Variants in PTPRG observed in about 807,000 individuals in gnomAD.
PTPRG encodes the protein receptor-type tyrosine-protein phosphatase gamma.
PTPRG carries 102 observed loss-of-function variants against 165.3 expected under a neutral mutation model. That is an observed-to-expected ratio of 0.62 (90% confidence interval 0.53 to 0.73). PTPRG has a LOEUF of 0.73. Among genes scored for constraint, PTPRG ranks in the 30% least tolerant of loss-of-function variants. PTPRG has a pLI of 0.00. For missense variants in PTPRG, 1,866 were observed against 1,861.4 expected (o/e 1.00, Z -0.05); for synonymous variants, 675 against 669.5 (o/e 1.01, Z -0.13).
Position 62,195,903 on chromosome 3 carries a change from T to C in PTPRG, c.1327+733T>C, listed in dbSNP as rs1447856289. On this transcript the variant is annotated intron_variant, in intron 10 of 29. Transcript: ENST00000474889. This position sits in a 1 kb window ranked among gnomAD's most constrained non-coding sequence, Gnocchi z 4.4. ...CTGCCTCCTGGGTTCAAGTGATGCC[T>C]CAGCCTCCTGAGTAGCTGGGATTAC... 6.6e-6 allele frequency among the ~76,000 whole-genome samples: 1 copy of C among 151,948 alleles called. No individual in the cohort carries two copies. The highest frequency in any genetic ancestry group is 2.0e-4 in the East Asian group (1 of 5,110).
chr3:61,799,081 A>G (rs2107161742), intron 2 of PTPRG, among the ~76,000 whole-genome samples: 2 of 152,218 alleles, frequency 1.3e-5, no homozygotes, highest in Middle Eastern at 6.8e-3. Flanking sequence ...TATTTTCATA[A>G]TAGTGTTATG....
Position 62,252,614 on chromosome 3 carries a change from G to A in PTPRG, c.2468-2510G>A, listed in dbSNP as rs1701448544. Among the ~76,000 whole-genome samples the A allele has an allele frequency of 1.3e-5, 2 of 152,156 alleles. No homozygotes were observed. Among genetic ancestry groups the A allele is most frequent in the African/African-American group, 4.8e-5 (2 of 41,446 alleles). The stretch of plus-strand genomic sequence containing the variant: ...TAAAAATTGAGCTGATTAGGCCTCT[G>A]ATGCTGTCCTAATTGCTTGGCCTTC... On this transcript the variant is annotated intron_variant, in intron 15 of 29. Coordinates refer to ENST00000474889, the MANE Select transcript of PTPRG (RefSeq NM_002841.4). The surrounding 1 kb of genome is among the most constrained non-coding windows in gnomAD (Gnocchi z 4.6).
intron 2 of PTPRG, among the ~76,000 whole-genome samples, chr3:61,921,005 ATAGT>A (rs2039064129): frequency 6.6e-6 from 1 of 152,114 alleles, no homozygotes; most frequent in African/African-American, 2.4e-5. Flanking sequence ...TTGGCTTATA[ATAGT>A]TACTTTGTGT....
chr3:61,641,820 C>T (rs1702073657), intron 1 of PTPRG, among the ~76,000 whole-genome samples: 1 of 152,142 alleles, frequency 6.6e-6, no homozygotes, highest in Non-Finnish European at 1.5e-5. Flanking sequence ...AATTGCAAAG[C>T]AGGAAGTAAA....
chr3:61,934,885 G>A (rs2039447464), intron 2 of PTPRG, among the ~76,000 whole-genome samples: 1 of 152,108 alleles, frequency 6.6e-6, no homozygotes, highest in Non-Finnish European at 1.5e-5. Flanking sequence ...CATGCCCCTG[G>A]TGCTCAAATC....
At chr3:61,741,472 C>T (rs2032982184) in intron 1 of PTPRG, among the ~76,000 whole-genome samples, 1 of 152,170 alleles carries the variant, frequency 6.6e-6, no homozygotes, top group Non-Finnish European at 1.5e-5. Context: ...TGGAAGCTGA[C>T]CTATTCTCCC....
intron 2 of PTPRG, among the ~76,000 whole-genome samples, chr3:61,901,730 G>A (rs1274802719): frequency 6.6e-6 from 1 of 152,066 alleles, no homozygotes; most frequent in Non-Finnish European, 1.5e-5. Context: ...TTTGCCAACT[G>A]CTTTCCTAGG....
At chr3:62,044,767 C>T (rs1305470173) in intron 4 of PTPRG, among the ~76,000 whole-genome samples, 2 of 152,068 alleles carry the variant, frequency 1.3e-5, no homozygotes, top group East Asian at 1.9e-4. Context: ...AGCCCAAATG[C>T]CAGCTCTTCC....
rs185924426 is a variant in PTPRG, at chr3:61,905,110, T to G, written c.191-84515T>G. On this transcript the variant is annotated intron_variant, in intron 2 of 29. Transcript: ENST00000474889. ...GAAAGATTGCCACACTATAGATATTTGAAAATCAGATGCGGTAATCAGAAA... is the reference window on the plus strand; with the variant it reads ...GAAAGATTGCCACACTATAGATATTGGAAAATCAGATGCGGTAATCAGAAA... Among the ~76,000 whole-genome samples, 437 of 152,272 alleles carry G rather than the reference T, an allele frequency of 2.9e-3. 2 individuals carry two copies. The highest frequency in any genetic ancestry group is 4.5e-3 in the Non-Finnish European group (307 of 68,008).
At chr3:62,268,921 A>C in intron 19 of PTPRG, 114 bp from the exon 20 acceptor site, 1 of 1,185,950 alleles carries the variant, frequency 8.4e-7, no homozygotes, top group Admixed American at 2.7e-5. Flanking sequence ...TTCCTTTTTC[A>C]GTCAACTAAA....
At chr3:61,568,487 C>T (rs1280442188) in intron 1 of PTPRG, among the ~76,000 whole-genome samples, 1 of 152,178 alleles carries the variant, frequency 6.6e-6, no homozygotes, top group Non-Finnish European at 1.5e-5. Context: ...GGGACCATTT[C>T]ACCTGGTATC....
chr3:61,750,312 A>G (rs976410611), intron 2 of PTPRG: 1 of 152,216 alleles, frequency 6.6e-6, no homozygotes, highest in Admixed American at 6.5e-5. Context: ...TTTACAGTTC[A>G]TCAGTTTAGA....
chr3:61,618,930 C>A (rs1289549380), intron 1 of PTPRG, among the ~76,000 whole-genome samples: 1 of 149,356 alleles, frequency 6.7e-6, no homozygotes, highest in East Asian at 2.0e-4. Flanking sequence ...CCATTTAAGC[C>A]CAGGAGTTCG....
intron 10 of PTPRG, 126 bp from the exon 11 acceptor site, chr3:62,201,379 A>T (rs1049970141): frequency 7.9e-6 from 6 of 758,978 alleles, no homozygotes; most frequent in African/African-American, 7.1e-5. Context: ...TGGTTGGAAA[A>T]AATCTACAGA....
At chr3:61,993,107 G>C (rs2040936726) in intron 3 of PTPRG, among the ~76,000 whole-genome samples, 1 of 151,152 alleles carries the variant, frequency 6.6e-6, no homozygotes, top group African/African-American at 2.4e-5. Context: ...ATTAGGGTGG[G>C]GTTGATAATT....
chr3:62,211,398 T>A (rs1170380254), intron 12 of PTPRG, among the ~76,000 whole-genome samples: 2 of 152,226 alleles, frequency 1.3e-5, no homozygotes, highest in Non-Finnish European at 2.9e-5. Context: ...TTTTGCAAGA[T>A]GAAAAAGTTC....
chr3:62,199,009 GACCCCA>G (rs1161181226), intron 10 of PTPRG, among the ~76,000 whole-genome samples: 1 of 152,182 alleles, frequency 6.6e-6, no homozygotes, highest in Admixed American at 6.5e-5. Context: ...AGTGGATATT[GACCCCA>G]ATGGAGATTG....
intron 2 of PTPRG, among the ~76,000 whole-genome samples, chr3:61,891,077 T>G (rs2038201130): frequency 6.6e-6 from 1 of 152,062 alleles, no homozygotes; most frequent in African/African-American, 2.4e-5. Context: ...CCCAGCACCT[T>G]GGGAGGCTGA....
intron 21 of PTPRG, among the ~76,000 whole-genome samples, chr3:62,272,537 T>G (rs1000913233): frequency 2.0e-5 from 3 of 152,146 alleles, no homozygotes. Flanking sequence ...ACGTACGTCA[T>G]CTAAGGTTAT....
Sources: allele counts gnomAD v4.1 joint callset (sites outside exome capture counted in the v4.1 genomes callset), GRCh38; gene constraint gnomAD v4.1.1; non-coding constraint Gnocchi (gnomAD v3.1); transcripts MANE v1.5; gene names NCBI Gene and HGNC (gene_info 2026-07-23, HGNC 2026-07-21).